NSL1: variants seen among roughly 807,000 people sequenced by gnomAD.
The protein encoded by NSL1 is kinetochore-associated protein NSL1 homolog.
NSL1 carries 11 observed loss-of-function variants against 25.4 expected under a neutral mutation model. The observed-to-expected ratio is 0.43, with a 90% CI of 0.27 to 0.72. The LOEUF (loss-of-function observed/expected upper bound fraction) is 0.72, where lower values mean the gene tolerates loss of function less well. Ranked by LOEUF, NSL1 falls within the 30% of genes least tolerant of loss-of-function variation. The pLI is 0.19. For missense variants in NSL1, 330 were observed against 342.7 expected, an observed-to-expected ratio of 0.96 and a Z score of 0.29; for synonymous variants, 118 against 120.6, an observed-to-expected ratio of 0.98 and a Z score of 0.14.
intron 4 of NSL1, among the ~76,000 whole-genome samples, chr1:212,754,816 G>A (rs114845355): frequency 1.1e-3 from 145 of 136,584 alleles, no homozygotes; most frequent in African/African-American, 4.0e-3. Context: ...GCTCCTAACC[G>A]CTGCCAGGAA....
At chr1:212,762,297 TAA>T (rs1464706481) in intron 4 of NSL1, among the ~76,000 whole-genome samples, 6 of 63,142 alleles carry the variant, frequency 9.5e-5, no homozygotes, top group Admixed American at 8.4e-4. Context: ...CACTCTGTCT[TAA>T]AAGAAACAAA....
intron 3 of NSL1, among the ~76,000 whole-genome samples, chr1:212,782,884 A>AATT (rs1287386987): frequency 6.6e-6 from 1 of 152,186 alleles, no homozygotes; most frequent in Non-Finnish European, 1.5e-5. Flanking sequence ...GACACACTGA[A>AATT]ATTATAGTAG....
intron 4 of NSL1, among the ~76,000 whole-genome samples, chr1:212,771,129 C>A (rs1305776691): frequency 6.6e-6 from 1 of 152,116 alleles, no homozygotes; most frequent in African/African-American, 2.4e-5. Flanking sequence ...GCCTGACCAA[C>A]ATGGAGAAAC....
Position 212,727,595 on chromosome 1 carries a change from G to A in NSL1, c.*10813C>T. On this transcript the variant is annotated 3_prime_UTR_variant, in exon 6 of 6. Transcript: ENST00000366977. Reference sequence around the variant, plus strand: ...CAAAAACTTTATGACTCAGTTGTCTGGAAGTTGTTTTGTAACCTTCTAAAA... The same window carrying A: ...CAAAAACTTTATGACTCAGTTGTCTAGAAGTTGTTTTGTAACCTTCTAAAA... 1 of 985,308 alleles carries A rather than the reference G, an allele frequency of 1.0e-6. No homozygotes were observed. The highest frequency in any genetic ancestry group is 1.2e-6 in the Non-Finnish European group (1 of 829,874). 61.0% of individuals were successfully genotyped at this position (985,308 alleles called of 1,614,324 possible).
At chr1:212,790,871 C>G (rs1220369103) in intron 1 of NSL1, among the ~76,000 whole-genome samples, 1 of 151,248 alleles carries the variant, frequency 6.6e-6, no homozygotes, top group East Asian at 1.9e-4. Flanking sequence ...TGCAGTGAGC[C>G]GAGATCGCGC....
Position 212,734,902 on chromosome 1 carries a change from G to A in NSL1, c.*3506C>T, listed in dbSNP as rs929872280. ...TATGACCTTCCTGAAGGCAACACTTGTCCTGAGTGTTTTCATTTCCTTTAT... is the reference window on the plus strand; with the variant it reads ...TATGACCTTCCTGAAGGCAACACTTATCCTGAGTGTTTTCATTTCCTTTAT... On this transcript the variant is annotated 3_prime_UTR_variant, in exon 6 of 6. Coordinates refer to ENST00000366977, the MANE Select transcript of NSL1 (RefSeq NM_015471.4). 1.3e-5 allele frequency among the ~76,000 whole-genome samples: 2 copies of A among 152,144 alleles called. No individual in the cohort carries two copies. Among genetic ancestry groups the A allele is most frequent in the African/African-American group, 4.8e-5 (2 of 41,424 alleles).
At chr1:212,767,182 C>G (rs1415164849) in intron 4 of NSL1, among the ~76,000 whole-genome samples, 1 of 152,162 alleles carries the variant, frequency 6.6e-6, no homozygotes, top group Non-Finnish European at 1.5e-5. Context: ...CATTATCTGA[C>G]TTCAAACTAT....
chr1:212,785,695 T>A (rs1333243014), intron 2 of NSL1, among the ~76,000 whole-genome samples: 2 of 152,128 alleles, frequency 1.3e-5, no homozygotes, highest in Non-Finnish European at 2.9e-5. Context: ...CTAACTTTAT[T>A]TTGAAAATCA....
In NSL1 at chr1:212,776,715, AAACAAAACAAC is replaced by A. The variant is rs1660384606; in HGVS notation, c.499+5646_499+5656del. ...AAAAGGAAAACGGTAAAACAAAACA[AAACAAAACAAC>A]AACAACAACAACAAAAAAAACCAAC... On this transcript the variant is annotated intron_variant, in intron 4 of 5. Coordinates refer to ENST00000366977, the MANE Select transcript of NSL1 (RefSeq NM_015471.4). Among the ~76,000 whole-genome samples the A allele has an allele frequency of 2.0e-5, 3 of 149,192 alleles. No homozygotes were observed. The South Asian group carries it at 6.3e-4, about 31-fold the overall frequency.
At chr1:212,763,292 C>T (rs1382372727) in intron 4 of NSL1, among the ~76,000 whole-genome samples, 2 of 152,034 alleles carry the variant, frequency 1.3e-5, no homozygotes, top group African/African-American at 4.8e-5. Flanking sequence ...AGTTCTGAAT[C>T]TTGAAACAAA....
chr1:212,765,242 C>G (rs1659750300), intron 4 of NSL1, among the ~76,000 whole-genome samples: 1 of 152,046 alleles, frequency 6.6e-6, no homozygotes, highest in South Asian at 2.1e-4. Context: ...TCCATGAGGC[C>G]AGTATTACCC....
In NSL1 at chr1:212,735,225, T is replaced by C. The variant is rs1021386734; in HGVS notation, c.*3183A>G. 42 of 761,704 alleles carry C rather than the reference T, an allele frequency of 5.5e-5. No individual in the cohort carries two copies. The African/African-American group carries it at 7.4e-4, about 13-fold the overall frequency. 47.2% of individuals were successfully genotyped at this position (761,704 alleles called of 1,614,324 possible). On this transcript the variant is annotated 3_prime_UTR_variant, in exon 6 of 6. Coordinates refer to ENST00000366977, the MANE Select transcript of NSL1 (RefSeq NM_015471.4). ...AGGTTAAGTAACTTGTCCAATATCA[T>C]TGAACTAATAATGGTAGAACTGAAA...
chr1:212,738,583 C>T lies in NSL1; in HGVS notation c.671G>A (p.Cys224Tyr), dbSNP rs780494633. The change falls in exon 6 of 6, where the codon TGT (cysteine) becomes TAT (tyrosine). Residue 224 changes from cysteine to tyrosine, a missense_variant. Transcript: ENST00000366977. ...AGGTTTAGCATCTGGTTTCCTATGA[C>T]AACTGGAAAAGACTTCTTGGTGAAT... ...QRIHQEVFSSCHRKPDAKPEN... is the reference protein window; with the variant it reads ...QRIHQEVFSSYHRKPDAKPEN... 2 of 1,614,130 alleles carry T rather than the reference C, an allele frequency of 1.2e-6. No homozygotes were observed. Among genetic ancestry groups the T allele is most frequent in the South Asian group, 2.2e-5 (2 of 91,084 alleles).
Position 212,791,680 on chromosome 1 carries a change from G to C in NSL1, c.84C>G (p.Val28=), listed in dbSNP as rs368670092. 1.9e-6 allele frequency: 3 copies of C among 1,613,774 alleles called. No homozygotes were observed. In the African/African-American group the frequency reaches 4.0e-5, roughly 22 times the overall value. Residue 28 remains valine (V), a synonymous_variant, in exon 1 of 6, where the codon GTC becomes GTG. Coordinates refer to ENST00000366977, the MANE Select transcript of NSL1 (RefSeq NM_015471.4). ...GAAAGTCTTCTCGGGGAGTGGCGGAGACCAAGGCCTGGCTCTCTGTGCCAG... is the reference window on the plus strand; with the variant it reads ...GAAAGTCTTCTCGGGGAGTGGCGGACACCAAGGCCTGGCTCTCTGTGCCAG... ...LAAGTESQAL[V]SATPREDFRV...
Position 212,731,502 on chromosome 1 carries a change from G to C in NSL1, c.*6906C>G, listed in dbSNP as rs560694248. 35 of 985,304 alleles carry C rather than the reference G, an allele frequency of 3.6e-5. 1 individual carries two copies. In the East Asian group the frequency reaches 3.2e-3, roughly 89 times the overall value. The allele number at this position is 985,304 out of a possible 1,614,324, so 61.0% of individuals were successfully genotyped here. A position where few individuals can be genotyped will look rare whatever the true frequency, so the allele number is the denominator to read the frequency against. On this transcript the variant is annotated 3_prime_UTR_variant, in exon 6 of 6. Coordinates refer to ENST00000366977, the MANE Select transcript of NSL1 (RefSeq NM_015471.4). ...CGAGAAAGGTTCTAGGGGATGATTT[G>C]TCTCTTAAACCAAATTTATTTTCCC...
chr1:212,737,094 G>A lies in NSL1; in HGVS notation c.*1314C>T, dbSNP rs1412537505. The A allele has an allele frequency of 5.1e-6, 5 of 985,304 alleles. No individual in the cohort carries two copies. The highest frequency in any genetic ancestry group is 6.0e-6 in the Non-Finnish European group (5 of 829,926). 61.0% of individuals were successfully genotyped at this position (985,304 alleles called of 1,614,324 possible). The stretch of plus-strand genomic sequence containing the variant: ...AGTATGTTCAGAAACGCAGGGTGCT[G>A]ACCCACCATCCAACTGAAGCTGAGC... On this transcript the variant is annotated 3_prime_UTR_variant, in exon 6 of 6. Coordinates refer to ENST00000366977, the MANE Select transcript of NSL1 (RefSeq NM_015471.4).
At chr1:212,766,328 G>A in intron 4 of NSL1, 1 of 490,130 alleles carries the variant, frequency 2.0e-6, no homozygotes, top group Admixed American at 3.7e-5. Flanking sequence ...ATAGTACTCA[G>A]CCAGAGCAAT....
Position 212,732,220 on chromosome 1 carries a change from TCTC to T in NSL1, c.*6185_*6187del, listed in dbSNP as rs1373256403. 4 of 982,000 alleles carry T rather than the reference TCTC, an allele frequency of 4.1e-6. No individual in the cohort carries two copies. Among genetic ancestry groups the T allele is most frequent in the Admixed American group, 6.2e-5 (1 of 16,254 alleles). 60.8% of individuals were successfully genotyped at this position (982,000 alleles called of 1,614,324 possible). A position where few individuals can be genotyped will look rare whatever the true frequency, so the allele number is the denominator to read the frequency against. Reference sequence around the variant, plus strand: ...AACATCTTAATCATATTACAAAACATCTCCTTTATACAATTTTCTGCATAGTTA... The same window carrying T: ...AACATCTTAATCATATTACAAAACATCTTTATACAATTTTCTGCATAGTTA... On this transcript the variant is annotated 3_prime_UTR_variant, in exon 6 of 6. Coordinates refer to ENST00000366977, the MANE Select transcript of NSL1 (RefSeq NM_015471.4).
At position 212,732,576 on chromosome 1, in the gene NSL1, G is replaced by A. The variant is rs574745327; in HGVS notation, c.*5832C>T. 87 of 979,126 alleles carry A rather than the reference G, an allele frequency of 8.9e-5. No homozygotes were observed. Among genetic ancestry groups the A allele is most frequent in the Admixed American group, 3.7e-4 (6 of 16,272 alleles). The allele number at this position is 979,126 out of a possible 1,614,324, so 60.7% of individuals were successfully genotyped here. A position where few individuals can be genotyped will look rare whatever the true frequency, so the allele number is the denominator to read the frequency against. On this transcript the variant is annotated 3_prime_UTR_variant, in exon 6 of 6. Transcript: ENST00000366977. ...CCCAAGGTGCTGGGATTACAGGTGT[G>A]AGCCACCGCACCCGGCCTACATAGT...
Sources: gnomAD v4.1 joint callset for allele counts (sites outside exome capture counted in the v4.1 genomes callset) on GRCh38, gnomAD v4.1.1 for gene constraint, MANE v1.5 for transcripts, NCBI Gene and HGNC (gene_info 2026-07-23, HGNC 2026-07-21) for gene names.